The following PRSS3 variants were observed in gnomAD, a reference collection of about 807,000 sequenced individuals.
The protein encoded by PRSS3 is serine protease 3.
In PRSS3, 14 loss-of-function variants were observed where a neutral mutation model predicts 20.8. That is an observed-to-expected ratio of 0.67 (90% CI 0.44 to 1.05). PRSS3 has a LOEUF of 1.05. PRSS3 is among the 50% of genes least tolerant of loss of function. The pLI, the probability that PRSS3 is intolerant of heterozygous loss-of-function variation, is 0.00. For synonymous variants in PRSS3, 91 were observed against 117.6 expected (o/e 0.77, Z 1.46); for missense variants, 237 against 306.4 (o/e 0.77, Z 1.69).
At chr9:33,790,537 A>C (rs1318030480) in intron 1 of PRSS3, among the ~76,000 whole-genome samples, 1 of 152,204 alleles carries the variant, frequency 6.6e-6, no homozygotes, top group Non-Finnish European at 1.5e-5. Context: ...CTTTTTATTC[A>C]GGTGTTAACT....
At chr9:33,788,098 T>C (rs1442706701) in intron 1 of PRSS3, among the ~76,000 whole-genome samples, 3 of 152,180 alleles carry the variant, frequency 2.0e-5, no homozygotes, top group Non-Finnish European at 2.9e-5. Flanking sequence ...GGACATTCTA[T>C]TTCTAGAAGG....
chr9:33,777,260 T>C (rs2118956427), intron 1 of PRSS3, among the ~76,000 whole-genome samples: 1 of 152,208 alleles, frequency 6.6e-6, no homozygotes, highest in African/African-American at 2.4e-5. Flanking sequence ...AAATATTCAT[T>C]GGCAGTAGAA....
At chr9:33,779,388 G>A (rs1824078589) in intron 1 of PRSS3, among the ~76,000 whole-genome samples, 1 of 152,160 alleles carries the variant, frequency 6.6e-6, no homozygotes, top group Non-Finnish European at 1.5e-5. Flanking sequence ...GCCATTTTGA[G>A]AATCAGAATA....
At chr9:33,765,523 T>C (rs1823375763) in intron 1 of PRSS3, among the ~76,000 whole-genome samples, 1 of 152,204 alleles carries the variant, frequency 6.6e-6, no homozygotes, top group Non-Finnish European at 1.5e-5. Context: ...CGCTACTTTT[T>C]CATTTTGGAG....
intron 1 of PRSS3, among the ~76,000 whole-genome samples, chr9:33,754,517 A>G (rs1406368807): frequency 6.6e-6 from 1 of 152,162 alleles, no homozygotes; most frequent in African/African-American, 2.4e-5. Flanking sequence ...TTAGACGGAC[A>G]CGATGCCAAT....
chr9:33,772,018 C>A (rs1327809318), intron 1 of PRSS3, among the ~76,000 whole-genome samples: 1 of 151,730 alleles, frequency 6.6e-6, no homozygotes, highest in African/African-American at 2.4e-5. Context: ...ACTACAGGTG[C>A]CCGCCACCAT....
At chr9:33,793,588 C>T, upstream of PRSS3, 1 of 699,280 alleles carries the variant, frequency 1.4e-6, no homozygotes, top group Non-Finnish European at 1.8e-6. Context: ...GGAAGAAAAG[C>T]AGGAGGAAGG....
At chr9:33,765,968 C>A (rs1823392616) in intron 1 of PRSS3, among the ~76,000 whole-genome samples, 1 of 152,040 alleles carries the variant, frequency 6.6e-6, no homozygotes, top group Non-Finnish European at 1.5e-5. Context: ...ATTATTTGGC[C>A]ATAAAAAGGA....
chr9:33,787,267 C>T (rs1417750760), intron 1 of PRSS3, among the ~76,000 whole-genome samples: 2 of 152,254 alleles, frequency 1.3e-5, no homozygotes, highest in African/African-American at 4.8e-5. Flanking sequence ...GCTGGTATTA[C>T]ATTAATGACA....
chr9:33,766,263 CAAAAAAAAA>C (rs67834191), intron 1 of PRSS3, among the ~76,000 whole-genome samples: 22,970 of 73,084 alleles, frequency 0.31, 2,615 homozygotes, highest in East Asian at 0.41. Context: ...GATTCCGTCT[CAAAAAAAAA>C]AAAAAAAAAA....
intron 1 of PRSS3, among the ~76,000 whole-genome samples, chr9:33,763,623 C>T (rs1388999733): frequency 6.9e-6 from 1 of 145,894 alleles, no homozygotes; most frequent in Admixed American, 7.3e-5. Context: ...GGCGTGAACC[C>T]GGGAGGCGGA....
At chr9:33,794,976 G>A (rs1394475293), upstream of PRSS3, 2 of 1,465,652 alleles carry the variant, frequency 1.4e-6, no homozygotes, top group African/African-American at 1.4e-5. Flanking sequence ...GAATCCTATG[G>A]AATGCTAAGT....
intron 1 of PRSS3, among the ~76,000 whole-genome samples, chr9:33,768,586 G>T (rs963569810): frequency 6.6e-6 from 1 of 152,010 alleles, no homozygotes; most frequent in South Asian, 2.1e-4. Context: ...GCTGGGCACC[G>T]TGGCTCACAC....
intron 1 of PRSS3, among the ~76,000 whole-genome samples, chr9:33,752,148 C>T (rs375579188): frequency 6.6e-6 from 1 of 152,144 alleles, no homozygotes; most frequent in Non-Finnish European, 1.5e-5. Context: ...CCCCCACTTA[C>T]TTATCCTCAG....
chr9:33,793,925 C>A (rs1350295983), upstream of PRSS3, among the ~76,000 whole-genome samples: 2 of 152,262 alleles, frequency 1.3e-5, no homozygotes, highest in African/African-American at 2.4e-5. Context: ...CTGTCAGGCA[C>A]CATGCACCAT....
At chr9:33,791,468 G>T (rs972238608), upstream of PRSS3, among the ~76,000 whole-genome samples, 1 of 152,188 alleles carries the variant, frequency 6.6e-6, no homozygotes, top group Non-Finnish European at 1.5e-5. Flanking sequence ...GAACCCAGTT[G>T]ACTGGATTTA....
At chr9:33,786,534 T>G (rs1824419456) in intron 1 of PRSS3, 3 of 764,678 alleles carry the variant, frequency 3.9e-6, no homozygotes, top group Non-Finnish European at 7.2e-6. Context: ...CTAGGCTCTG[T>G]GTTCAGTGCT....
rs1190011895 is a variant in PRSS3, at chr9:33,750,806, C to T, written c.-53+79C>T. On this transcript the variant is annotated intron_variant, in intron 1 of 5. Transcript: ENST00000342836. The surrounding 1 kb of genome is among the most constrained non-coding windows in gnomAD (Gnocchi z 4.8). The stretch of plus-strand genomic sequence containing the variant: ...GAGGGAGCCCCGCCAAGGAGCGGGG[C>T]TGTGATGGAGAGGGGGTTCCGACTC... The T allele has an allele frequency of 1.4e-6, 2 of 1,407,560 alleles. No homozygotes were observed. Among genetic ancestry groups the T allele is most frequent in the Non-Finnish European group, 1.8e-6 (2 of 1,086,866 alleles). The allele number at this position is 1,407,560 out of a possible 1,614,324, so 87.2% of individuals were successfully genotyped here.
chr9:33,759,718 G>T (rs1368398261), intron 1 of PRSS3, among the ~76,000 whole-genome samples: 1 of 152,208 alleles, frequency 6.6e-6, no homozygotes, highest in Admixed American at 6.5e-5. Flanking sequence ...ATGAGTCTGA[G>T]ACTTAGAGAC....
Sources: allele counts gnomAD v4.1 joint callset (sites outside exome capture counted in the v4.1 genomes callset), GRCh38; gene constraint gnomAD v4.1.1; non-coding constraint Gnocchi (gnomAD v3.1); transcripts MANE v1.5; gene names NCBI Gene and HGNC (gene_info 2026-07-23, HGNC 2026-07-21).